Variants in BBX observed in about 807,000 individuals in gnomAD.
BBX encodes HMG box transcription factor BBX.
A neutral mutation model predicts 100.2 loss-of-function variants in BBX; 30 were observed. That is an observed-to-expected ratio of 0.30 (90% CI 0.22 to 0.41). The LOEUF (loss-of-function observed/expected upper bound fraction) is 0.41. Among genes scored for constraint, BBX ranks in the 10% least tolerant of loss-of-function variants. BBX has a pLI of 1.00. For missense variants in BBX, 1,023 were observed against 1,129.8 expected, an observed-to-expected ratio of 0.91 and a Z score of 1.35; for synonymous variants, 376 against 388.1, an observed-to-expected ratio of 0.97 and a Z score of 0.37.
At chr3:107,784,432 A>G (rs1375034978) in intron 13 of BBX, among the ~76,000 whole-genome samples, 2 of 152,020 alleles carry the variant, frequency 1.3e-5, no homozygotes, top group Admixed American at 6.6e-5. Context: ...ATAAATATAA[A>G]AGGATTGAAA....
chr3:107,671,809 T>TA (rs1241106678), intron 3 of BBX, among the ~76,000 whole-genome samples: 2 of 152,042 alleles, frequency 1.3e-5, no homozygotes, highest in African/African-American at 4.8e-5. Flanking sequence ...CATAACTAAA[T>TA]ATTCATAATG....
chr3:107,644,443 CATA>C (rs1284268508), intron 2 of BBX, among the ~76,000 whole-genome samples: 2 of 152,064 alleles, frequency 1.3e-5, no homozygotes, highest in East Asian at 3.8e-4. Context: ...TCATCTGTTT[CATA>C]ATATTTAATG....
At chr3:107,592,595 T>C (rs1000455193) in intron 2 of BBX, among the ~76,000 whole-genome samples, 2 of 152,122 alleles carry the variant, frequency 1.3e-5, no homozygotes, top group Admixed American at 6.6e-5. Context: ...AAATTTAAAA[T>C]GTGTTTATTT....
intron 2 of BBX, among the ~76,000 whole-genome samples, chr3:107,556,110 C>T (rs1345873556): frequency 2.0e-5 from 3 of 152,044 alleles, no homozygotes; most frequent in Admixed American, 2.0e-4. Context: ...CTGGCCGTGG[C>T]TCAGGGATCT....
intron 3 of BBX, chr3:107,684,769 A>G (rs1256925986): frequency 6.6e-6 from 1 of 152,254 alleles, no homozygotes; most frequent in Non-Finnish European, 1.5e-5. Context: ...TTGTTCAGGA[A>G]GAGTAACTTT....
chr3:107,742,802 A>G (rs2064221979), intron 7 of BBX, among the ~76,000 whole-genome samples: 1 of 152,204 alleles, frequency 6.6e-6, no homozygotes. Flanking sequence ...TTATGTGTTC[A>G]TATAGGAAGT....
intron 2 of BBX, among the ~76,000 whole-genome samples, chr3:107,545,223 CTTTA>C (rs2049146251): frequency 6.6e-6 from 1 of 152,096 alleles, no homozygotes; most frequent in Non-Finnish European, 1.5e-5. Flanking sequence ...AAAAGCTTTT[CTTTA>C]TTAGATGGGT....
At chr3:107,539,111 ATAATGTTGCTTTATCATAATAATGTCCTT>A (rs1559788299) in intron 2 of BBX, among the ~76,000 whole-genome samples, 3 of 152,118 alleles carry the variant, frequency 2.0e-5, no homozygotes, top group Admixed American at 6.6e-5. Flanking sequence ...TAGTAAAGCA[ATAATGTTGCTTTATCATAATAATGTCCTT>A]TATCATAACT....
intron 2 of BBX, among the ~76,000 whole-genome samples, chr3:107,608,332 T>TC (rs1288989274): frequency 6.6e-6 from 1 of 152,194 alleles, no homozygotes; most frequent in Non-Finnish European, 1.5e-5. Context: ...GACTGTCCTT[T>TC]CCCCAGTGTA....
chr3:107,526,385 A>T lies in BBX; in HGVS notation c.-97A>T. On this transcript the variant is annotated 5_prime_UTR_variant, in exon 2 of 18. Coordinates refer to ENST00000325805, the MANE Select transcript of BBX (RefSeq NM_001142568.3). The stretch of plus-strand genomic sequence containing the variant: ...TCATCTTCCTCCCTGTGTACTTTCC[A>T]TTTGCCTTCCTGGGTAAGTATGCAA... 1 of 398,588 alleles carries T rather than the reference A, an allele frequency of 2.5e-6. No individual in the cohort carries two copies. Among genetic ancestry groups the T allele is most frequent in the East Asian group, 3.6e-5 (1 of 28,066 alleles). 24.7% of individuals were successfully genotyped at this position (398,588 alleles called of 1,614,324 possible).
At chr3:107,580,902 A>G (rs780512666) in intron 2 of BBX, among the ~76,000 whole-genome samples, 10 of 152,256 alleles carry the variant, frequency 6.6e-5, no homozygotes, top group Non-Finnish European at 1.5e-4. Context: ...AAGTGCTGGC[A>G]TTGTAGGCGT....
At chr3:107,658,949 T>C (rs1483927759) in intron 3 of BBX, among the ~76,000 whole-genome samples, 1 of 152,136 alleles carries the variant, frequency 6.6e-6, no homozygotes, top group Non-Finnish European at 1.5e-5. Flanking sequence ...GTATCTGAAA[T>C]TTGACCTGTA....
chr3:107,573,504 C>T (rs953452436), intron 2 of BBX, among the ~76,000 whole-genome samples: 1 of 152,018 alleles, frequency 6.6e-6, no homozygotes, highest in East Asian at 1.9e-4. Flanking sequence ...TTGCAGTGAG[C>T]TGATGAGATC....
At chr3:107,590,704 G>C (rs904976892) in intron 2 of BBX, among the ~76,000 whole-genome samples, 1 of 152,176 alleles carries the variant, frequency 6.6e-6, no homozygotes, top group Non-Finnish European at 1.5e-5. Flanking sequence ...AGTACCATCA[G>C]AGCACCTCCT....
At chr3:107,724,886 T>G (rs2062806914) in intron 5 of BBX, among the ~76,000 whole-genome samples, 1 of 152,240 alleles carries the variant, frequency 6.6e-6, no homozygotes, top group Non-Finnish European at 1.5e-5. Flanking sequence ...GACTTGGCAA[T>G]GCGGGTTCCT....
rs2063877531 is a variant in BBX at position 107,739,128 on chromosome 3, ACTTT to A, written c.670-5497_670-5494del. ...GATTTAAATAAAATGGAAACTTTTCACTTTCTTTATTCTAATTTCTAACATCAAT... is the reference window on the plus strand; with the variant it reads ...GATTTAAATAAAATGGAAACTTTTCACTTTATTCTAATTTCTAACATCAAT... On this transcript the variant is annotated intron_variant, in intron 7 of 17. Coordinates refer to ENST00000325805, the MANE Select transcript of BBX (RefSeq NM_001142568.3). Among the ~76,000 whole-genome samples, 7 of 152,332 alleles carry A rather than the reference ACTTT, an allele frequency of 4.6e-5. No individual in the cohort carries two copies. In the South Asian group the frequency reaches 1.0e-3, roughly 23 times the overall value.
chr3:107,732,424 A>C (rs2063371362), intron 6 of BBX, among the ~76,000 whole-genome samples: 1 of 152,160 alleles, frequency 6.6e-6, no homozygotes, highest in Non-Finnish European at 1.5e-5. Context: ...AGTTAATATA[A>C]ATTTATTTTT....
Position 107,772,963 on chromosome 3 carries a change from T to A in BBX, c.1242T>A (p.Ser414Arg), listed in dbSNP as rs1275560000. The A allele has an allele frequency of 6.2e-7, 1 of 1,613,070 alleles. No homozygotes were observed. The highest frequency in any genetic ancestry group is 8.5e-7 in the Non-Finnish European group (1 of 1,179,820). The change falls in exon 11 of 18, where the codon AGT (serine) becomes AGA (arginine). Residue 414 changes from serine to arginine, a missense_variant. By Grantham distance (110) the Ser-to-Arg change is moderately radical. Coordinates refer to ENST00000325805, the MANE Select transcript of BBX (RefSeq NM_001142568.3). ...TTCCTGATTTTTCTTATTCTGCCAGTAGCAAGATAATAATTAGTGATGTTC... is the reference window on the plus strand; with the variant it reads ...TTCCTGATTTTTCTTATTCTGCCAGAAGCAAGATAATAATTAGTGATGTTC... ...SHFPDFSYSA[S>R]SKIIISDVPS...
chr3:107,745,711 G>A (rs866455349), intron 8 of BBX, among the ~76,000 whole-genome samples: 1 of 151,842 alleles, frequency 6.6e-6, no homozygotes, highest in African/African-American at 2.4e-5. Context: ...ACCTCAGCCC[G>A]TCAGAGTACT....
Sources: allele counts gnomAD v4.1 joint callset (sites outside exome capture counted in the v4.1 genomes callset), GRCh38; gene constraint gnomAD v4.1.1; transcripts MANE v1.5; gene names NCBI Gene and HGNC (gene_info 2026-07-23, HGNC 2026-07-21).